Variants in HIVEP2 observed in about 807,000 individuals in gnomAD.
HIVEP2 encodes the protein HIVEP zinc finger 2.
Under a neutral mutation model 180.7 loss-of-function variants are expected in HIVEP2, and 14 were observed. The ratio of observed to expected loss-of-function variants is 0.08; its 90% CI spans 0.05 to 0.12. The LOEUF (loss-of-function observed/expected upper bound fraction) is 0.12. HIVEP2 is among the 10% of genes least tolerant of loss of function. HIVEP2 has a pLI of 1.00. For synonymous variants in HIVEP2, 1,184 were observed against 1,136.4 expected, an observed-to-expected ratio of 1.04 and a Z score of -0.84; for missense variants, 2,579 against 3,008.5, an observed-to-expected ratio of 0.86 and a Z score of 3.34.
intron 3 of HIVEP2, among the ~76,000 whole-genome samples, chr6:142,781,176 G>T (rs1239768763): frequency 1.3e-5 from 2 of 152,156 alleles, no homozygotes; most frequent in Non-Finnish European, 2.9e-5. Context: ...CTATGACTGT[G>T]TAGAGTCAAT....
At chr6:142,859,566 G>A (rs906331432) in intron 1 of HIVEP2, among the ~76,000 whole-genome samples, 1 of 151,914 alleles carries the variant, frequency 6.6e-6, no homozygotes, top group Non-Finnish European at 1.5e-5. Context: ...GGACGCGGTG[G>A]CTCATGTCAG....
At chr6:142,906,058 C>T (rs187466024) in intron 1 of HIVEP2, among the ~76,000 whole-genome samples, 5 of 152,208 alleles carry the variant, frequency 3.3e-5, no homozygotes, top group South Asian at 2.1e-4. Flanking sequence ...TGCTTTAACC[C>T]GGGAGGTGGA....
rs1297894412 is a variant in HIVEP2 at position 142,945,019 on chromosome 6, C to T, written c.-641+80G>A. On this transcript the variant is annotated intron_variant, in intron 1 of 9. Coordinates refer to ENST00000367603, the MANE Select transcript of HIVEP2 (RefSeq NM_006734.4). The surrounding 1 kb of genome is among the most constrained non-coding windows in gnomAD (Gnocchi z 5.5). ...AGCGCCTTCGCTGCGCTCGCTCGGC[C>T]GCAGGCCGGCGGCCCGGGCCTCGCG... 6.8e-6 allele frequency: 1 copy of T among 147,562 alleles called. No individual in the cohort carries two copies. The highest frequency in any genetic ancestry group is 1.5e-5 in the Non-Finnish European group (1 of 66,366). The allele number at this position is 147,562 out of a possible 1,614,324, so 9.1% of individuals were successfully genotyped here. A position where few individuals can be genotyped will look rare whatever the true frequency, so the allele number is the denominator to read the frequency against.
chr6:142,898,759 C>A (rs768039330), intron 1 of HIVEP2, among the ~76,000 whole-genome samples: 2 of 152,186 alleles, frequency 1.3e-5, no homozygotes, highest in Non-Finnish European at 2.9e-5. Flanking sequence ...ATCATCACTA[C>A]CCACTTTGTC....
At position 142,772,369 on chromosome 6, in the gene HIVEP2, C is replaced by G; in HGVS notation, c.2370G>C (p.Gly790=). ...TCACATTTCCAGGAGGTTTCCTGCC[C>G]CCTAGGTCTGACATCTTGTCTGAAT... The part of the protein sequence containing the change: ...AIDSDKMSDL[G]GRKPPGNVIS... Residue 790 remains glycine, a synonymous_variant, in exon 5 of 10, where the codon GGG becomes GGC. Transcript: ENST00000367603. The surrounding 1 kb of genome is among the most constrained non-coding windows in gnomAD (Gnocchi z 4.9). The G allele has an allele frequency of 3.7e-6, 6 of 1,614,190 alleles. No homozygotes were observed. Among genetic ancestry groups the G allele is most frequent in the Middle Eastern group, 1.6e-4 (1 of 6,062 alleles).
chr6:142,834,166 T>A (rs958158180), intron 2 of HIVEP2, among the ~76,000 whole-genome samples: 3 of 152,184 alleles, frequency 2.0e-5, no homozygotes, highest in African/African-American at 7.2e-5. Context: ...GTTTTCTTCC[T>A]TTTCATTTTC....
In HIVEP2 at chr6:142,773,419, A is replaced by G. The variant is rs1253965869; in HGVS notation, c.1320T>C (p.Val440=). 4 of 1,614,208 alleles carry G rather than the reference A, an allele frequency of 2.5e-6. No homozygotes were observed. The highest frequency in any genetic ancestry group is 3.3e-4 in the Middle Eastern group (2 of 6,062). ...CRLSPRNALS[V]TTTSQERAAM... ...CGGCACGCTCCTGACTTGTGGTTGT[A>G]ACACTGAGTGCATTTCTCGGACTAA... Residue 440 remains valine (V), a synonymous_variant, in exon 5 of 10, where the codon GTT becomes GTC. Transcript: ENST00000367603.
At chr6:142,890,763 C>CA (rs1450558231) in intron 1 of HIVEP2, among the ~76,000 whole-genome samples, 4 of 152,102 alleles carry the variant, frequency 2.6e-5, no homozygotes, top group East Asian at 3.9e-4. Flanking sequence ...GAAAGTAATA[C>CA]AAAAAACACT....
In HIVEP2 at chr6:142,770,881, T is replaced by C; in HGVS notation, c.3858A>G (p.Ser1286=). 6.2e-7 allele frequency: 1 copy of C among 1,614,238 alleles called. No homozygotes were observed. The highest frequency in any genetic ancestry group is 8.5e-7 in the Non-Finnish European group (1 of 1,180,038). ...GAAGAAGGTTCTTTGGGTGTAGCCC[T>C]GATGCTCCTGAATAACATGGGTAGG... ...EQTYPCYSGA[S]GLHPKNLLPK... is the part of the protein sequence containing the mutation. The change falls in exon 5 of 10, where the codon TCA becomes TCG. Residue 1286 remains serine (S), a synonymous_variant. Transcript: ENST00000367603. This position sits in a 1 kb window ranked among gnomAD's most constrained non-coding sequence, Gnocchi z 4.7.
At chr6:142,836,213 T>TA (rs1562258134) in intron 2 of HIVEP2, among the ~76,000 whole-genome samples, 1 of 152,086 alleles carries the variant, frequency 6.6e-6, no homozygotes. Context: ...TTGGATTTTT[T>TA]AAAAAAATTA....
intron 1 of HIVEP2, among the ~76,000 whole-genome samples, chr6:142,837,349 T>C (rs554432818): frequency 3.3e-5 from 5 of 152,206 alleles, no homozygotes; most frequent in African/African-American, 1.2e-4. Context: ...AGTTAAGACA[T>C]TAAAATTAGA....
chr6:142,793,679 C>CT (rs60453323), intron 2 of HIVEP2, among the ~76,000 whole-genome samples: 1 of 119,522 alleles, frequency 8.4e-6, no homozygotes, highest in African/African-American at 2.9e-5. Context: ...TTCTTTCTCT[C>CT]TCTCTCTCTC....
chr6:142,841,205 T>C (rs1775353317), intron 1 of HIVEP2, among the ~76,000 whole-genome samples: 1 of 152,168 alleles, frequency 6.6e-6, no homozygotes, highest in African/African-American at 2.4e-5. Flanking sequence ...ATAAGGTATG[T>C]ATTCAGATAG....
In HIVEP2 at chr6:142,780,452, AC is replaced by A. The variant is rs1201693001; in HGVS notation, c.-433+3068del. On this transcript the variant is annotated intron_variant, in intron 3 of 9. Transcript: ENST00000367603. ...TTGAGGATGTCTTTTTCTCTCCAAC[AC>A]TATCCTTGGGGAGCCTTTGACTAAC... Among the ~76,000 whole-genome samples, 6 of 152,290 alleles carry A rather than the reference AC, an allele frequency of 3.9e-5. No homozygotes were observed. The East Asian group carries it at 1.2e-3, about 29-fold the overall frequency.
intron 1 of HIVEP2, among the ~76,000 whole-genome samples, chr6:142,918,393 A>G (rs1777612076): frequency 6.6e-6 from 1 of 152,172 alleles, no homozygotes. Flanking sequence ...AAATTACAAC[A>G]GCACCCAGAG....
intron 1 of HIVEP2, among the ~76,000 whole-genome samples, chr6:142,919,805 A>G (rs73777823): frequency 8.5e-4 from 129 of 152,320 alleles, no homozygotes; most frequent in African/African-American, 3.0e-3. Flanking sequence ...TTCCTTTCAC[A>G]TTTAGTGTGC....
intron 6 of HIVEP2, among the ~76,000 whole-genome samples, chr6:142,767,508 A>G (rs1044537980): frequency 1.2e-4 from 18 of 152,222 alleles, no homozygotes; most frequent in African/African-American, 4.1e-4. Context: ...TCCAAATATA[A>G]TTGGAATAAA....
chr6:142,857,248 T>C (rs927546075), intron 1 of HIVEP2, among the ~76,000 whole-genome samples: 1 of 151,646 alleles, frequency 6.6e-6, no homozygotes, highest in African/African-American at 2.4e-5. Context: ...TGCCATCAGA[T>C]GTTGTCTGTC....
intron 2 of HIVEP2, among the ~76,000 whole-genome samples, chr6:142,800,724 C>T (rs890652233): frequency 2.6e-5 from 4 of 151,990 alleles, no homozygotes; most frequent in Non-Finnish European, 5.9e-5. Context: ...CCTCAAAATG[C>T]ATAGAAGATA....
Sources: gnomAD v4.1 joint callset for allele counts (sites outside exome capture counted in the v4.1 genomes callset) on GRCh38, gnomAD v4.1.1 for gene constraint, Gnocchi (gnomAD v3.1) non-coding constraint, MANE v1.5 for transcripts, NCBI Gene and HGNC (gene_info 2026-07-23, HGNC 2026-07-21) for gene names.